TRAK2: variants seen among roughly 807,000 people sequenced by gnomAD.
The protein encoded by TRAK2 is trafficking kinesin protein 2, also known as trafficking kinesin-binding protein 2.
A neutral mutation model predicts 104.6 loss-of-function variants in TRAK2; 81 were observed. The ratio of observed to expected loss-of-function variants is 0.77; its 90% CI spans 0.65 to 0.93. The LOEUF (loss-of-function observed/expected upper bound fraction) is 0.93. TRAK2 is among the 40% of genes least tolerant of loss of function. The pLI is 0.00. For missense variants in TRAK2, 1,002 were observed against 1,089.0 expected, an observed-to-expected ratio of 0.92 and a Z score of 1.12; for synonymous variants, 406 against 394.4, an observed-to-expected ratio of 1.03 and a Z score of -0.35.
chr2:201,437,010 G>C (rs184348869), intron 1 of TRAK2, among the ~76,000 whole-genome samples: 1 of 152,292 alleles, frequency 6.6e-6, no homozygotes. Flanking sequence ...TCTAATTACA[G>C]TATGTTTAGA....
intron 15 of TRAK2, among the ~76,000 whole-genome samples, chr2:201,383,701 A>C (rs1420528412): frequency 1.3e-5 from 2 of 152,210 alleles, no homozygotes; most frequent in Non-Finnish European, 2.9e-5. Flanking sequence ...GTTCTGTGAG[A>C]TCTTCTAGCA....
chr2:201,406,066 T>C (rs964933312), intron 3 of TRAK2, among the ~76,000 whole-genome samples: 1 of 152,212 alleles, frequency 6.6e-6, no homozygotes, highest in African/African-American at 2.4e-5. Context: ...ATACTGTTCC[T>C]TCTAAAAATG....
At position 201,439,388 on chromosome 2, in the gene TRAK2, C is replaced by CT. The variant is rs916599667; in HGVS notation, c.-200+11961dup. 5.3e-3 allele frequency among the ~76,000 whole-genome samples: 780 copies of CT among 146,852 alleles called. 3 individuals carry two copies. Among genetic ancestry groups the CT allele is most frequent in the African/African-American group, 0.01 (412 of 40,184 alleles). On this transcript the variant is annotated intron_variant, in intron 1 of 15. Transcript: ENST00000332624. Reference sequence around the variant, plus strand: ...CAAAAATACCACAGAATCTTTAATACTTTTTTTTTTTGTGGTTTTCCATGG... The same window carrying CT: ...CAAAAATACCACAGAATCTTTAATACTTTTTTTTTTTTGTGGTTTTCCATGG...
At chr2:201,420,221 A>G (rs1439127983) in intron 2 of TRAK2, among the ~76,000 whole-genome samples, 196 bp downstream of exon 2, 1 of 152,196 alleles carries the variant, frequency 6.6e-6, no homozygotes, top group Non-Finnish European at 1.5e-5. Context: ...TAGACAGGAA[A>G]TAACATGAAA....
chr2:201,412,131 C>G (rs930188891), intron 2 of TRAK2: 7 of 1,045,520 alleles, frequency 6.7e-6, no homozygotes, highest in African/African-American at 3.1e-5. Flanking sequence ...GTGCATTCCT[C>G]AACGATCAGT....
intron 7 of TRAK2, among the ~76,000 whole-genome samples, chr2:201,395,964 T>C (rs1951497527): frequency 6.6e-6 from 1 of 152,220 alleles, no homozygotes; most frequent in Non-Finnish European, 1.5e-5. Flanking sequence ...ACAGACTTTC[T>C]GGCATACCCC....
intron 1 of TRAK2, among the ~76,000 whole-genome samples, chr2:201,450,955 T>C (rs1247404380): frequency 6.6e-6 from 1 of 152,204 alleles, no homozygotes; most frequent in Non-Finnish European, 1.5e-5. Flanking sequence ...GAAAGAGCTC[T>C]TTCCAATACC....
chr2:201,386,492 T>G lies in TRAK2; in HGVS notation c.1697-8A>C. The G allele has an allele frequency of 6.2e-7, 1 of 1,611,936 alleles. No individual in the cohort carries two copies. The highest frequency in any genetic ancestry group is 1.1e-5 in the South Asian group (1 of 91,000). ...GATACAGAGTTTGTGATCCTGAATATGCAAAACAAAGGAAGGGGAAAGGCA... is the reference window on the plus strand; with the variant it reads ...GATACAGAGTTTGTGATCCTGAATAGGCAAAACAAAGGAAGGGGAAAGGCA... On this transcript the variant is annotated splice_polypyrimidine_tract_variant and splice_region_variant and intron_variant, in intron 13 of 15. Transcript: ENST00000332624.
At chr2:201,405,763 T>A (rs769162045) in intron 3 of TRAK2, among the ~76,000 whole-genome samples, 2 of 152,086 alleles carry the variant, frequency 1.3e-5, no homozygotes, top group Admixed American at 6.5e-5. Flanking sequence ...GGCAAGCAGA[T>A]CACAAGATCA....
At chr2:201,420,951 G>A (rs1029987653) in intron 1 of TRAK2, among the ~76,000 whole-genome samples, 3 of 152,178 alleles carry the variant, frequency 2.0e-5, no homozygotes, top group African/African-American at 7.2e-5. Context: ...GCTGCCTGGA[G>A]TTAAGGGAGG....
chr2:201,433,540 G>C (rs550475132), intron 1 of TRAK2: 3 of 152,306 alleles, frequency 2.0e-5, no homozygotes, highest in Admixed American at 6.5e-5. Context: ...TTAGGTTTAT[G>C]GGGTCAGTAT....
intron 15 of TRAK2, 46 bp downstream of exon 15, chr2:201,384,065 T>C (rs7579617): frequency 0.65 from 773,438 of 1,192,340 alleles, 255,958 homozygotes; most frequent in South Asian, 0.7. Flanking sequence ...CATGAAAATA[T>C]AGCTGAGGAA....
At chr2:201,386,523 T>C in intron 13 of TRAK2, 39 bp from the exon 14 acceptor site, 1 of 1,603,406 alleles carries the variant, frequency 6.2e-7, no homozygotes, top group Non-Finnish European at 8.5e-7. Flanking sequence ...AGGCATGTTT[T>C]ACATTTCCCA....
chr2:201,392,247 T>C (rs1951455104), intron 10 of TRAK2, among the ~76,000 whole-genome samples: 1 of 77,194 alleles, frequency 1.3e-5, no homozygotes, highest in Non-Finnish European at 3.1e-5. Context: ...GGAACTTTAC[T>C]CTAAGTTTAA....
At chr2:201,414,351 T>C (rs929284892) in intron 2 of TRAK2, among the ~76,000 whole-genome samples, 3 of 152,222 alleles carry the variant, frequency 2.0e-5, no homozygotes, top group Admixed American at 6.5e-5. Flanking sequence ...CAGGATGTCA[T>C]ATCAACCCTC....
chr2:201,395,271 T>C, intron 8 of TRAK2, 43 bp downstream of exon 8: 1 of 1,540,264 alleles, frequency 6.5e-7, no homozygotes, highest in Non-Finnish European at 8.9e-7. Context: ...AGATACTATG[T>C]GAGTGCTTAA....
intron 3 of TRAK2, 43 bp from the exon 4 acceptor site, chr2:201,401,137 T>C (rs765271712): frequency 7.4e-7 from 1 of 1,353,982 alleles, no homozygotes; most frequent in Non-Finnish European, 1.0e-6. Flanking sequence ...TTAGCAATAA[T>C]GAAAAAATTT....
chr2:201,397,787 T>C (rs1342667731), intron 6 of TRAK2: 4 of 560,120 alleles, frequency 7.1e-6, no homozygotes, highest in Admixed American at 6.4e-5. Flanking sequence ...ATGCCCATAC[T>C]ATACAAGTTC....
Position 201,380,563 on chromosome 2 carries a change from C to T in TRAK2, c.2725G>A (p.Gly909Ser), listed in dbSNP as rs745579286. 2 of 1,613,606 alleles carry T rather than the reference C, an allele frequency of 1.2e-6. No individual in the cohort carries two copies. The highest frequency in any genetic ancestry group is 2.7e-5 in the African/African-American group (2 of 74,872). ...GAACCTCAGTCCTCCTTCAGGACAC[C>T]CATTTTGGGTGAGGATGTGCAAACT... ...APVCTSSPKM[G>S]VLKED Residue 909 changes from glycine to serine, a missense_variant, in exon 16 of 16, where the codon GGT becomes AGT. Coordinates refer to ENST00000332624, the MANE Select transcript of TRAK2 (RefSeq NM_015049.3).
Sources: allele counts gnomAD v4.1 joint callset (sites outside exome capture counted in the v4.1 genomes callset), GRCh38; gene constraint gnomAD v4.1.1; transcripts MANE v1.5; gene names NCBI Gene and HGNC (gene_info 2026-07-23, HGNC 2026-07-21).